Variants in GLDC observed in about 807,000 individuals in gnomAD.
GLDC encodes the protein glycine dehydrogenase (decarboxylating), mitochondrial.
Under a neutral mutation model 121.3 loss-of-function variants are expected in GLDC, and 104 were observed. The ratio of observed to expected loss-of-function variants is 0.86; its 90% CI spans 0.73 to 1.01. The LOEUF is 1.01. Ranked by LOEUF, GLDC falls within the 50% of genes least tolerant of loss-of-function variation. The pLI is 0.00. For synonymous variants in GLDC, 546 were observed against 480.6 expected (o/e 1.14, Z -1.78); for missense variants, 1,429 against 1,306.6 (o/e 1.09, Z -1.44).
chr9:6,593,455 C>A (rs1818420504), intron 9 of GLDC, among the ~76,000 whole-genome samples: 1 of 151,776 alleles, frequency 6.6e-6, no homozygotes, highest in Non-Finnish European at 1.5e-5. Flanking sequence ...CATGCCATCA[C>A]ACCTGGCTAA....
Position 6,577,368 on chromosome 9 carries a change from G to C in GLDC, c.1850+9773C>G, listed in dbSNP as rs567347884. 1.1e-4 allele frequency among the ~76,000 whole-genome samples: 16 copies of C among 152,334 alleles called. No homozygotes were observed. The South Asian group carries it at 3.3e-3, about 32-fold the overall frequency. ...GGTGCCGCTAGGGCAGATGGAGGTG[G>C]TTATGTTTTGCCTCCAGCCCCAGGG... On this transcript the variant is annotated intron_variant, in intron 15 of 24. Coordinates refer to ENST00000321612, the MANE Select transcript of GLDC (RefSeq NM_000170.3).
intron 15 of GLDC, among the ~76,000 whole-genome samples, chr9:6,574,824 C>G (rs898504139): frequency 1.3e-5 from 2 of 152,032 alleles, no homozygotes; most frequent in Middle Eastern, 3.2e-3. Flanking sequence ...GGAAAACTTA[C>G]CAGAAATGAT....
Position 6,556,187 on chromosome 9 carries a change from T to C in GLDC, c.2168A>G (p.Gln723Arg). 6.2e-6 allele frequency: 10 copies of C among 1,613,424 alleles called. No individual in the cohort carries two copies. The highest frequency in any genetic ancestry group is 8.5e-6 in the Non-Finnish European group (10 of 1,179,450). ...VCDLIHQHGG[Q>R]VYLDGANMNA... ...CATATTTGCCCCGTCTAGGTAGACCTGTCCTCCATGTTGATGGATGAGGTC... is the reference window on the plus strand; with the variant it reads ...CATATTTGCCCCGTCTAGGTAGACCCGTCCTCCATGTTGATGGATGAGGTC... The change falls in exon 18 of 25, where the codon CAG becomes CGG. Residue 723 changes from glutamine (Q) to arginine (R), a missense_variant. Physicochemically the swap from Gln to Arg is conservative, Grantham distance 43. Transcript: ENST00000321612.
At chr9:6,545,765 C>T (rs766113258) in intron 21 of GLDC, among the ~76,000 whole-genome samples, 6 of 151,984 alleles carry the variant, frequency 3.9e-5, no homozygotes, top group Non-Finnish European at 5.9e-5. Context: ...CTCAGCCTCC[C>T]GAGTAGCTGG....
intron 4 of GLDC, among the ~76,000 whole-genome samples, chr9:6,608,141 G>A (rs1818773526): frequency 6.6e-6 from 1 of 150,520 alleles, no homozygotes. Context: ...GGGCCGGGCG[G>A]GGTGGTTCAC....
chr9:6,588,550 T>C, intron 13 of GLDC, 68 bp downstream of exon 13: 4 of 1,444,462 alleles, frequency 2.8e-6, no homozygotes, highest in Admixed American at 3.3e-5. Flanking sequence ...TTGGAGCATA[T>C]TAGGTAGGAC....
chr9:6,553,408 C>G lies in GLDC; in HGVS notation c.2417G>C (p.Gly806Ala). 1 of 1,613,768 alleles carries G rather than the reference C, an allele frequency of 6.2e-7. No individual in the cohort carries two copies. The change falls in exon 20 of 25, where the codon GGC becomes GCC. Residue 806 changes from glycine to alanine, a missense_variant. Physicochemically the swap from Gly to Ala is moderately conservative, Grantham distance 60 (BLOSUM62 0). Coordinates refer to ENST00000321612, the MANE Select transcript of GLDC (RefSeq NM_000170.3). The part of the protein sequence containing the change: ...PVGTVSAAPW[G>A]SSSILPISWA... Reference sequence around the variant, plus strand: ...GGAAATGGGCAAGATGGAACTGGAGCCCCATGGGGCCGCACTGACGGTTCC... The same window carrying G: ...GGAAATGGGCAAGATGGAACTGGAGGCCCATGGGGCCGCACTGACGGTTCC...
At chr9:6,644,504 A>C in intron 2 of GLDC, 110 bp downstream of exon 2, 1 of 767,476 alleles carries the variant, frequency 1.3e-6, no homozygotes, top group Non-Finnish European at 2.3e-6. Flanking sequence ...TTTAATCCAC[A>C]CATTCCCAGT....
chr9:6,608,663 G>A (rs1350942488), intron 4 of GLDC, among the ~76,000 whole-genome samples: 14 of 151,922 alleles, frequency 9.2e-5, no homozygotes, highest in Admixed American at 8.5e-4. Flanking sequence ...GGAGAATGGC[G>A]TGAACCCGGG....
Position 6,558,330 on chromosome 9 carries a change from T to C in GLDC, c.2052+229A>G, listed in dbSNP as rs1233962601. 2.8e-5 allele frequency: 18 copies of C among 646,774 alleles called. No homozygotes were observed. The East Asian group carries it at 4.2e-4, about 15-fold the overall frequency. 40.1% of individuals were successfully genotyped at this position (646,774 alleles called of 1,614,324 possible). On this transcript the variant is annotated intron_variant, in intron 17 of 24. Transcript: ENST00000321612. ...AGGCAGGTTCTGCAAGGAGTACTCT[T>C]ACTACCACCATGAATAATTCATTCA...
chr9:6,612,906 G>A (rs1439305611), intron 3 of GLDC, among the ~76,000 whole-genome samples: 1 of 152,070 alleles, frequency 6.6e-6, no homozygotes, highest in African/African-American at 2.4e-5. Flanking sequence ...GTTTGAGGCT[G>A]CAATGAGCCA....
intron 3 of GLDC, among the ~76,000 whole-genome samples, chr9:6,614,994 T>G (rs1818939721): frequency 3.3e-5 from 5 of 152,228 alleles, no homozygotes; most frequent in Admixed American, 3.3e-4. Flanking sequence ...ATGAGACCAC[T>G]GTCATATACA....
chr9:6,569,715 C>A (rs758416165), intron 15 of GLDC, among the ~76,000 whole-genome samples: 12 of 151,910 alleles, frequency 7.9e-5, no homozygotes, highest in Non-Finnish European at 1.8e-4. Flanking sequence ...TGCCTGCATG[C>A]CTGTAATCAC....
chr9:6,548,021 C>G (rs1330228376), intron 21 of GLDC, among the ~76,000 whole-genome samples: 2 of 151,758 alleles, frequency 1.3e-5, no homozygotes, highest in African/African-American at 4.8e-5. Context: ...TGCCTGTGTT[C>G]CCAGCTACTT....
At position 6,641,267 on chromosome 9, in the gene GLDC, T is replaced by C. The variant is rs148402906; in HGVS notation, c.334+3347A>G. On this transcript the variant is annotated intron_variant, in intron 2 of 24. Coordinates refer to ENST00000321612, the MANE Select transcript of GLDC (RefSeq NM_000170.3). ...GAGCATCACTGCTCATTCTTCAGTA[T>C]TGCACTTCCGTGACCCCTTCCCTTG... is the stretch of plus-strand genomic sequence containing the variant. Among the ~76,000 whole-genome samples, 511 of 152,344 alleles carry C rather than the reference T, an allele frequency of 3.4e-3. 2 individuals carry two copies. Among genetic ancestry groups the C allele is most frequent in the Admixed American group, 5.4e-3 (82 of 15,294 alleles).
At chr9:6,552,641 C>T (rs1439089223) in intron 20 of GLDC, among the ~76,000 whole-genome samples, 1 of 152,078 alleles carries the variant, frequency 6.6e-6, no homozygotes, top group Non-Finnish European at 1.5e-5. Flanking sequence ...CAGTGGGAGC[C>T]CGCCTTCCTT....
intron 16 of GLDC, among the ~76,000 whole-genome samples, chr9:6,563,995 C>G (rs903470977): frequency 6.6e-6 from 1 of 151,964 alleles, no homozygotes; most frequent in Non-Finnish European, 1.5e-5. Context: ...CCTATAATCC[C>G]AGCACTTTGA....
At chr9:6,639,543 A>G in intron 2 of GLDC, 1 of 786,624 alleles carries the variant, frequency 1.3e-6, no homozygotes, top group Admixed American at 1.7e-5. Flanking sequence ...TGGAGAGAAG[A>G]AGGTATATGT....
chr9:6,566,861 A>T (rs1817864660), intron 15 of GLDC, among the ~76,000 whole-genome samples: 1 of 152,254 alleles, frequency 6.6e-6, no homozygotes, highest in South Asian at 2.1e-4. Context: ...ATTTTAAAAA[A>T]TGTGTATGTT....
Sources: allele counts gnomAD v4.1 joint callset (sites outside exome capture counted in the v4.1 genomes callset), GRCh38; gene constraint gnomAD v4.1.1; transcripts MANE v1.5; gene names NCBI Gene and HGNC (gene_info 2026-07-23, HGNC 2026-07-21).